KCNIP4: variants seen among roughly 807,000 people sequenced by gnomAD.
KCNIP4 encodes potassium voltage-gated channel interacting protein 4, also known as Kv channel-interacting protein 4.
KCNIP4 carries 12 observed loss-of-function variants against 34.0 expected under a neutral mutation model. The observed-to-expected ratio is 0.35, with a 90% confidence interval of 0.23 to 0.57. KCNIP4 has a LOEUF of 0.57. Among genes scored for constraint, KCNIP4 ranks in the 20% least tolerant of loss-of-function variants. The pLI, the probability that KCNIP4 is intolerant of heterozygous loss-of-function variation, is 0.83. For synonymous variants in KCNIP4, 124 were observed against 102.2 expected (o/e 1.21, Z -1.29); for missense variants, 238 against 311.7 (o/e 0.76, Z 1.78).
At chr4:20,805,396 C>A (rs1714953125) in intron 3 of KCNIP4, among the ~76,000 whole-genome samples, 1 of 151,730 alleles carries the variant, frequency 6.6e-6, no homozygotes, top group African/African-American at 2.4e-5. Flanking sequence ...CTAAATTTTG[C>A]CAAGCTTTGT....
At chr4:21,109,293 G>T (rs1203897053) in intron 1 of KCNIP4, among the ~76,000 whole-genome samples, 1 of 152,226 alleles carries the variant, frequency 6.6e-6, no homozygotes, top group Non-Finnish European at 1.5e-5. Flanking sequence ...ACCTAAGCAA[G>T]CCTAGGCAAT....
chr4:21,771,081 G>A (rs1718752344), intron 1 of KCNIP4, among the ~76,000 whole-genome samples: 1 of 151,984 alleles, frequency 6.6e-6, no homozygotes, highest in Non-Finnish European at 1.5e-5. Context: ...TTTGGTTTTA[G>A]ATTTAAGTCT....
intron 1 of KCNIP4, among the ~76,000 whole-genome samples, chr4:21,440,040 C>G (rs981140492): frequency 6.6e-6 from 1 of 152,190 alleles, no homozygotes; most frequent in Non-Finnish European, 1.5e-5. Context: ...TTTAAAAACC[C>G]AGTGAACTTG....
At chr4:21,533,044 G>T (rs919701967) in intron 1 of KCNIP4, among the ~76,000 whole-genome samples, 19 of 151,094 alleles carry the variant, frequency 1.3e-4, no homozygotes, top group African/African-American at 4.1e-4. Context: ...TTCTACACCT[G>T]CCAGCCAGAA....
chr4:21,056,869 G>A (rs140412436), intron 1 of KCNIP4, among the ~76,000 whole-genome samples: 30 of 152,296 alleles, frequency 2.0e-4, no homozygotes, highest in African/African-American at 6.7e-4. Flanking sequence ...AGTCATGAAA[G>A]TGGGTTCCTC....
At chr4:20,737,860 C>T (rs1210497256) in intron 5 of KCNIP4, among the ~76,000 whole-genome samples, 3 of 152,312 alleles carry the variant, frequency 2.0e-5, no homozygotes, top group East Asian at 1.9e-4. Context: ...GGCTGGGGAT[C>T]ATGGCTCATG....
intron 1 of KCNIP4, among the ~76,000 whole-genome samples, chr4:21,148,164 A>G (rs557243255): frequency 3.3e-5 from 5 of 152,248 alleles, no homozygotes; most frequent in African/African-American, 1.2e-4. Flanking sequence ...TTCGCTCAGT[A>G]GCTTAAATCT....
At chr4:21,829,566 A>G (rs1187815980) in intron 1 of KCNIP4, among the ~76,000 whole-genome samples, 1 of 152,074 alleles carries the variant, frequency 6.6e-6, no homozygotes, top group Non-Finnish European at 1.5e-5. Flanking sequence ...TACAAGGACT[A>G]AGAAAAAGCA....
intron 1 of KCNIP4, among the ~76,000 whole-genome samples, chr4:21,510,479 A>C (rs1262790175): frequency 6.6e-6 from 1 of 152,164 alleles, no homozygotes; most frequent in African/African-American, 2.4e-5. Context: ...AAAATCAGGC[A>C]GATTTAGACA....
chr4:21,777,416 A>ATT (rs1719255998), intron 1 of KCNIP4, among the ~76,000 whole-genome samples: 1 of 152,254 alleles, frequency 6.6e-6, no homozygotes, highest in Admixed American at 6.5e-5. Flanking sequence ...TAATCACTAA[A>ATT]GCACCTTCAT....
At chr4:20,832,949 A>G (rs1203620936) in intron 3 of KCNIP4, among the ~76,000 whole-genome samples, 1 of 152,164 alleles carries the variant, frequency 6.6e-6, no homozygotes, top group Non-Finnish European at 1.5e-5. Context: ...TGGAGATTAT[A>G]TTGTTTAAAG....
At position 20,937,980 on chromosome 4, in the gene KCNIP4, A is replaced by T. The variant is rs554060806; in HGVS notation, c.62-55271T>A. Among the ~76,000 whole-genome samples the T allele has an allele frequency of 2.0e-4, 30 of 152,284 alleles. No homozygotes were observed. In the East Asian group the frequency reaches 5.6e-3, roughly 28 times the overall value. On this transcript the variant is annotated intron_variant, in intron 1 of 8. Transcript: ENST00000382152. ...AAAGTACTATACAATGACTTTAGAG[A>T]TTCTAGAATAGGTGACTCTATCTTG...
At chr4:21,519,343 T>TACACACACACAC (rs137872471) in intron 1 of KCNIP4, among the ~76,000 whole-genome samples, 1 of 115,072 alleles carries the variant, frequency 8.7e-6, no homozygotes, top group African/African-American at 3.1e-5. Context: ...GAGAGAGAGA[T>TACACACACACAC]ACACACACAC....
intron 1 of KCNIP4, among the ~76,000 whole-genome samples, chr4:21,606,768 A>G (rs1743719462): frequency 6.6e-6 from 1 of 151,960 alleles, no homozygotes; most frequent in African/African-American, 2.4e-5. Flanking sequence ...TAATTTTTGT[A>G]TTTTTAGTAG....
chr4:21,915,440 A>G (rs1728576036), intron 1 of KCNIP4, among the ~76,000 whole-genome samples: 3 of 152,240 alleles, frequency 2.0e-5, no homozygotes, highest in Admixed American at 1.3e-4. Flanking sequence ...GATAAGCATC[A>G]TTATGAACAT....
intron 1 of KCNIP4, among the ~76,000 whole-genome samples, chr4:21,675,579 T>C (rs1430161249): frequency 6.6e-6 from 1 of 152,160 alleles, no homozygotes; most frequent in Non-Finnish European, 1.5e-5. Context: ...ACACTTACTA[T>C]GTACTCACCA....
At chr4:21,330,149 T>C (rs1715484481) in intron 1 of KCNIP4, among the ~76,000 whole-genome samples, 1 of 152,222 alleles carries the variant, frequency 6.6e-6, no homozygotes, top group African/African-American at 2.4e-5. Flanking sequence ...GCAGTAGTGT[T>C]CAAAAGCAAG....
At chr4:21,401,335 C>G (rs1490300497) in intron 1 of KCNIP4, among the ~76,000 whole-genome samples, 1 of 152,146 alleles carries the variant, frequency 6.6e-6, no homozygotes, top group Non-Finnish European at 1.5e-5. Context: ...AAAACATGGA[C>G]TTTCTCTTTA....
chr4:21,454,226 G>A (rs1036145943), intron 1 of KCNIP4, among the ~76,000 whole-genome samples: 6 of 152,044 alleles, frequency 3.9e-5, no homozygotes, highest in East Asian at 1.9e-4. Flanking sequence ...TCCCAACAGT[G>A]CCAACGCTGC....
Sources: gnomAD v4.1 joint callset for allele counts (sites outside exome capture counted in the v4.1 genomes callset) on GRCh38, gnomAD v4.1.1 for gene constraint, MANE v1.5 for transcripts, NCBI Gene and HGNC (gene_info 2026-07-23, HGNC 2026-07-21) for gene names.